PPARGC1A: variants seen among roughly 807,000 people sequenced by gnomAD.
PPARGC1A encodes the protein peroxisome proliferator-activated receptor gamma coactivator 1-alpha.
In PPARGC1A, 25 loss-of-function variants were observed where a neutral mutation model predicts 88.7. That is an observed-to-expected ratio of 0.28 (90% CI 0.21 to 0.39). The LOEUF (loss-of-function observed/expected upper bound fraction) is 0.39, where lower values mean the gene tolerates loss of function less well. Among genes scored for constraint, PPARGC1A ranks in the 10% least tolerant of loss-of-function variants. PPARGC1A has a pLI of 1.00. For synonymous variants in PPARGC1A, 363 were observed against 355.6 expected (o/e 1.02, Z -0.24); for missense variants, 880 against 968.7 (o/e 0.91, Z 1.22).
At chr4:24,447,219 CA>C in the PPARGC1A span, among the ~76,000 whole-genome samples, 2 of 152,200 alleles carry the variant, frequency 1.3e-5, no homozygotes. Context: ...TGGCTCTTCA[CA>C]AAACAACAAC....
At chr4:24,416,244 G>A in the PPARGC1A span, among the ~76,000 whole-genome samples, 1 of 152,236 alleles carries the variant, frequency 6.6e-6, no homozygotes, top group Non-Finnish European at 1.5e-5. Flanking sequence ...ATGGGACTAA[G>A]AAGGTAGCTT....
At chr4:24,253,596 T>C in the PPARGC1A span, among the ~76,000 whole-genome samples, 3 of 152,312 alleles carry the variant, frequency 2.0e-5, no homozygotes, top group African/African-American at 7.2e-5. Context: ...TAGTCATACA[T>C]GTAAGATTAA....
the PPARGC1A span, among the ~76,000 whole-genome samples, chr4:23,945,101 C>T: frequency 1.3e-5 from 2 of 152,030 alleles, no homozygotes; most frequent in Non-Finnish European, 2.9e-5. Flanking sequence ...GTGCCAGGTA[C>T]ATTATAATCC....
chr4:24,123,773 G>C, the PPARGC1A span, among the ~76,000 whole-genome samples: 2 of 152,066 alleles, frequency 1.3e-5, no homozygotes, highest in African/African-American at 4.8e-5. Flanking sequence ...AAGCTGGGCT[G>C]ACTTTTCCAT....
At chr4:23,870,285 G>A (rs747857847) in intron 2 of PPARGC1A, among the ~76,000 whole-genome samples, 28 of 152,136 alleles carry the variant, frequency 1.8e-4, no homozygotes, top group South Asian at 4.1e-4. Context: ...TCCGAATCAC[G>A]TATTTACATA....
chr4:24,113,987 G>T, the PPARGC1A span, among the ~76,000 whole-genome samples: 1 of 151,940 alleles, frequency 6.6e-6, no homozygotes. Context: ...AGTTGGGCGT[G>T]GTGTTGCATG....
At chr4:24,080,332 A>G in the PPARGC1A span, among the ~76,000 whole-genome samples, 5 of 152,030 alleles carry the variant, frequency 3.3e-5, no homozygotes, top group East Asian at 5.8e-4. Context: ...TTATCTTCAT[A>G]GTTTCTAAAT....
the PPARGC1A span, among the ~76,000 whole-genome samples, chr4:24,140,725 G>A: frequency 5.3e-5 from 8 of 152,130 alleles, no homozygotes; most frequent in East Asian, 1.5e-3. Flanking sequence ...AGGAGGATTT[G>A]TTCAAACCCC....
intron 3 of PPARGC1A, 84 bp from the exon 4 acceptor site, chr4:23,829,669 G>T: frequency 7.8e-7 from 1 of 1,276,758 alleles, no homozygotes; most frequent in Non-Finnish European, 1.1e-6. Context: ...AATTTTAAAT[G>T]TAATTTATTA....
chr4:24,211,044 C>T, the PPARGC1A span, among the ~76,000 whole-genome samples: 172 of 152,280 alleles, frequency 1.1e-3, no homozygotes, highest in African/African-American at 3.9e-3. Flanking sequence ...ATTGCAGTTG[C>T]TTACTTACTT....
the PPARGC1A span, among the ~76,000 whole-genome samples, chr4:23,920,940 A>G: frequency 2.0e-5 from 3 of 151,942 alleles, no homozygotes; most frequent in Non-Finnish European, 2.9e-5. Context: ...CAGCCGCAGG[A>G]CCCAGCCTGG....
chr4:23,833,226 T>C (rs59852312), intron 2 of PPARGC1A, among the ~76,000 whole-genome samples: 3,616 of 152,324 alleles, frequency 0.024, 45 homozygotes, highest in Non-Finnish European at 0.036. Flanking sequence ...AACAAGGCAG[T>C]GTGTGATATT....
chr4:24,327,560 C>G, the PPARGC1A span, among the ~76,000 whole-genome samples: 3 of 152,082 alleles, frequency 2.0e-5, no homozygotes, highest in African/African-American at 4.8e-5. Flanking sequence ...TCAATTCATA[C>G]AAAACCGTAT....
the PPARGC1A span, among the ~76,000 whole-genome samples, chr4:24,166,001 T>A: frequency 6.6e-6 from 1 of 152,186 alleles, no homozygotes; most frequent in Non-Finnish European, 1.5e-5. Context: ...AGGCCTCTTG[T>A]GCCAAACAAC....
At chr4:24,113,671 C>G in the PPARGC1A span, among the ~76,000 whole-genome samples, 1 of 152,124 alleles carries the variant, frequency 6.6e-6, no homozygotes, top group African/African-American at 2.4e-5. Flanking sequence ...AGGAGCTTCT[C>G]TTCTATGGGA....
chr4:24,344,214 G>A, the PPARGC1A span, among the ~76,000 whole-genome samples: 1 of 151,994 alleles, frequency 6.6e-6, no homozygotes, highest in African/African-American at 2.4e-5. Context: ...AAAAATGTGT[G>A]CACAAGTATC....
At chr4:24,258,274 G>A in the PPARGC1A span, 5 of 904,812 alleles carry the variant, frequency 5.5e-6, no homozygotes, top group Non-Finnish European at 2.6e-6. Context: ...AAACCTGAAA[G>A]GCAGAGGGTA....
At chr4:24,125,960 T>A in the PPARGC1A span, among the ~76,000 whole-genome samples, 2 of 152,338 alleles carry the variant, frequency 1.3e-5, no homozygotes, top group East Asian at 3.9e-4. Flanking sequence ...AGTGTAATTT[T>A]CTTAAACTCC....
At chr4:23,880,682 TG>T (rs1473340551) in intron 2 of PPARGC1A, 2 of 152,338 alleles carry the variant, frequency 1.3e-5, no homozygotes, top group African/African-American at 4.8e-5. Context: ...TTTCCTTGAT[TG>T]CATATAGCAG....
Sources: gnomAD v4.1 joint callset for allele counts (sites outside exome capture counted in the v4.1 genomes callset) on GRCh38, gnomAD v4.1.1 for gene constraint, MANE v1.5 for transcripts, NCBI Gene and HGNC (gene_info 2026-07-23, HGNC 2026-07-21) for gene names.